Variants in IL18RAP observed in about 807,000 individuals in gnomAD.
IL18RAP encodes interleukin-18 receptor accessory protein.
IL18RAP carries 37 observed loss-of-function variants against 58.1 expected under a neutral mutation model. The ratio of observed to expected loss-of-function variants is 0.64; its 90% CI spans 0.49 to 0.84. IL18RAP has a LOEUF of 0.84. Ranked by LOEUF, IL18RAP falls within the 40% of genes least tolerant of loss-of-function variation. The pLI is 0.00. For missense variants in IL18RAP, 667 were observed against 704.8 expected (o/e 0.95, Z 0.61); for synonymous variants, 268 against 257.5 (o/e 1.04, Z -0.39).
chr2:102,424,103 TG>T lies in IL18RAP; in HGVS notation c.366del (p.Ser123HisfsTer8). 1 of 1,613,568 alleles carries T rather than the reference TG, an allele frequency of 6.2e-7. No individual in the cohort carries two copies. The highest frequency in any genetic ancestry group is 8.5e-7 in the Non-Finnish European group (1 of 1,179,578). ...TTTTGACCCCAGGGGTGAATAATTC[TG>T]GGTCATATATTTGTAGACCCAAGAT... ...HFLTPGVNNSGSYICRPKMIK... is the reference protein window; with the variant it reads ...HFLTPGVNNSXSYICRPKMIK... On this transcript the variant is annotated frameshift_variant, in exon 2 of 10. Transcript: ENST00000687160. LOFTEE classifies it high-confidence loss of function.
chr2:102,444,455 C>A (rs559042144), intron 6 of IL18RAP, among the ~76,000 whole-genome samples: 4 of 152,222 alleles, frequency 2.6e-5, no homozygotes, highest in African/African-American at 7.2e-5. Flanking sequence ...CACTGGGAGG[C>A]GTGGTTACAG....
At chr2:102,451,048 G>A (rs376901130) in intron 9 of IL18RAP, 27 bp downstream of exon 9, 6 of 1,556,460 alleles carry the variant, frequency 3.9e-6, no homozygotes, top group South Asian at 1.2e-5. Context: ...AAGAAAAACT[G>A]CAGTGCAAAA....
At position 102,451,975 on chromosome 2, in the gene IL18RAP, A is replaced by G; in HGVS notation, c.1594A>G (p.Arg532Gly). The G allele has an allele frequency of 1.2e-6, 2 of 1,614,178 alleles. No homozygotes were observed. The highest frequency in any genetic ancestry group is 1.7e-6 in the Non-Finnish European group (2 of 1,180,022). Reference protein sequence around the residue: ...SLPHLVKKALRVLPTVTWRGL... With the variant: ...SLPHLVKKALGVLPTVTWRGL... ...ACCTCATCTCGTGAAAAAAGCTCTC[A>G]GGGTTTTGCCCACAGTTACTTGGAG... is the stretch of plus-strand genomic sequence containing the variant. The change falls in exon 10 of 10, where the codon AGG (arginine) becomes GGG (glycine). Residue 532 changes from arginine to glycine, a missense_variant. Arg to Gly is a moderately radical substitution (Grantham distance 125). Transcript: ENST00000687160.
chr2:102,424,369 C>T lies in IL18RAP; in HGVS notation c.534C>T (p.Leu178=), dbSNP rs756458811. ...CTGGCTCTATTTCTTGCCCCAGTCT[C>T]AGCTGCCAAAGTGATGCACAAAGTC... The part of the protein sequence containing the change: ...GSTGSISCPS[L]SCQSDAQSPA... The change falls in exon 3 of 10, where the codon CTC becomes CTT. Residue 178 remains leucine (L), a synonymous_variant. Coordinates refer to ENST00000687160, the MANE Select transcript of IL18RAP (RefSeq NM_001393487.1). The T allele has an allele frequency of 1.2e-6, 2 of 1,614,062 alleles. No individual in the cohort carries two copies. Among genetic ancestry groups the T allele is most frequent in the East Asian group, 2.2e-5 (1 of 44,878 alleles).
In IL18RAP at chr2:102,452,472, CT is replaced by C. The variant is rs1683833255; in HGVS notation, c.*292del. 8.3e-6 allele frequency: 3 copies of C among 359,802 alleles called. No homozygotes were observed. The highest frequency in any genetic ancestry group is 2.1e-5 in the African/African-American group (1 of 48,358). 22.3% of individuals were successfully genotyped at this position (359,802 alleles called of 1,614,324 possible). The stretch of plus-strand genomic sequence containing the variant: ...GCAGAATCAGAAAATACAGCTACTT[CT>C]GCCTTATGGCTAGGGAACTGTCATG... On this transcript the variant is annotated 3_prime_UTR_variant, in exon 10 of 10. Transcript: ENST00000687160.
At chr2:102,418,825 C>T (rs1374048615), upstream of IL18RAP, 1 of 152,256 alleles carries the variant, frequency 6.6e-6, no homozygotes, top group Non-Finnish European at 1.5e-5. Context: ...TAGTAGAACC[C>T]TTTGAAAATG....
Position 102,423,249 on chromosome 2 carries a change from T to G in IL18RAP, c.-29T>G. 1 of 1,607,710 alleles carries G rather than the reference T, an allele frequency of 6.2e-7. No individual in the cohort carries two copies. The highest frequency in any genetic ancestry group is 8.5e-7 in the Non-Finnish European group (1 of 1,174,132). The stretch of plus-strand genomic sequence containing the variant: ...TACTCTGGCAAAGGAATGAAGTTAT[T>G]GGAGTGATGACAGGAACACGGGAGA... On this transcript the variant is annotated 5_prime_UTR_variant, in exon 1 of 10. In the 5' UTR this introduces an upstream ATG that the reference lacks. Transcript: ENST00000687160.
intron 4 of IL18RAP, among the ~76,000 whole-genome samples, chr2:102,437,645 A>G (rs1006165493): frequency 6.6e-6 from 1 of 152,160 alleles, no homozygotes; most frequent in Non-Finnish European, 1.5e-5. Flanking sequence ...ACACACAGAA[A>G]TATTGTGACA....
intron 3 of IL18RAP, among the ~76,000 whole-genome samples, chr2:102,436,545 G>A (rs1682751189): frequency 6.6e-6 from 1 of 152,044 alleles, no homozygotes; most frequent in South Asian, 2.1e-4. Flanking sequence ...GAGGGATGTG[G>A]CGTGGGGGAA....
intron 8 of IL18RAP, among the ~76,000 whole-genome samples, chr2:102,448,187 A>G (rs1683549138): frequency 6.6e-6 from 1 of 152,158 alleles, no homozygotes; most frequent in African/African-American, 2.4e-5. Flanking sequence ...GAGAGACAGG[A>G]AGTCATGTGC....
chr2:102,452,205 G>C lies in IL18RAP; in HGVS notation c.*24G>C, dbSNP rs1331354478. ...GAAATGAGCCCTGGAGCCCCCTCCA[G>C]TCCAGTCCCTGGGATAGAGATGTTG... On this transcript the variant is annotated 3_prime_UTR_variant, in exon 10 of 10. Transcript: ENST00000687160. 3 of 1,564,014 alleles carry C rather than the reference G, an allele frequency of 1.9e-6. No homozygotes were observed. The South Asian group carries it at 3.6e-5, about 19-fold the overall frequency.
At chr2:102,431,796 T>G (rs988530214) in intron 3 of IL18RAP, among the ~76,000 whole-genome samples, 12 of 36,834 alleles carry the variant, frequency 3.3e-4, no homozygotes, top group Middle Eastern at 0.021. Context: ...ATTTCTCTAT[T>G]ATTAAACTTT....
upstream of IL18RAP, among the ~76,000 whole-genome samples, chr2:102,422,641 T>A (rs71415350): frequency 2.0e-3 from 303 of 152,346 alleles, no homozygotes; most frequent in Admixed American, 6.0e-3. Flanking sequence ...GGAGGGGACC[T>A]GCTCCCCCTT....
At chr2:102,442,607 C>A (rs1017316653) in intron 5 of IL18RAP, among the ~76,000 whole-genome samples, 1 of 152,112 alleles carries the variant, frequency 6.6e-6, no homozygotes, top group African/African-American at 2.4e-5. Context: ...CTAGTCATTT[C>A]ATGGTTAAAT....
At chr2:102,430,560 G>T (rs897017688) in intron 3 of IL18RAP, among the ~76,000 whole-genome samples, 1 of 152,020 alleles carries the variant, frequency 6.6e-6, no homozygotes, top group East Asian at 1.9e-4. Flanking sequence ...GTGATTATTG[G>T]TAGATAAGCA....
intron 3 of IL18RAP, among the ~76,000 whole-genome samples, chr2:102,433,589 A>G (rs1366870831): frequency 6.6e-6 from 1 of 151,544 alleles, no homozygotes; most frequent in East Asian, 1.9e-4. Context: ...GAGCGCATCT[A>G]GCTCAGTGCA....
intron 3 of IL18RAP, 66 bp downstream of exon 3, chr2:102,424,480 T>C: frequency 7.0e-7 from 1 of 1,437,548 alleles, no homozygotes. Context: ...TCATGGGCTT[T>C]TCATGGAAAA....
At chr2:102,437,751 A>G (rs771340650) in intron 4 of IL18RAP, among the ~76,000 whole-genome samples, 11 of 152,248 alleles carry the variant, frequency 7.2e-5, no homozygotes, top group Admixed American at 1.3e-4. Flanking sequence ...TATTGCAAAG[A>G]CAACTTGAGG....
intron 8 of IL18RAP, among the ~76,000 whole-genome samples, chr2:102,447,557 T>C (rs922744425): frequency 6.6e-6 from 1 of 152,122 alleles, no homozygotes. Flanking sequence ...AATCCCTCTA[T>C]AACCAACCTA....
Sources: allele counts gnomAD v4.1 joint callset (sites outside exome capture counted in the v4.1 genomes callset), GRCh38; gene constraint gnomAD v4.1.1; transcripts MANE v1.5; gene names NCBI Gene and HGNC (gene_info 2026-07-23, HGNC 2026-07-21).